The following GPHN variants were observed in gnomAD, a reference collection of about 807,000 sequenced individuals.
GPHN encodes the protein gephyrin.
In GPHN, 17 loss-of-function variants were observed where a neutral mutation model predicts 95.5. That is an observed-to-expected ratio of 0.18 (90% CI 0.12 to 0.27). The LOEUF (loss-of-function observed/expected upper bound fraction) is 0.27, where lower values mean the gene tolerates loss of function less well. Among genes scored for constraint, GPHN ranks in the 10% least tolerant of loss-of-function variants. The pLI is 1.00. For missense variants in GPHN, 660 were observed against 978.1 expected (o/e 0.67, Z 4.34); for synonymous variants, 320 against 322.5 (o/e 0.99, Z 0.08).
At chr14:67,429,674 T>A in the GPHN span, among the ~76,000 whole-genome samples, 6 of 152,002 alleles carry the variant, frequency 3.9e-5, no homozygotes, top group Non-Finnish European at 7.4e-5. Flanking sequence ...AGGCAAAGTT[T>A]GCAGTGAGTT....
At chr14:67,668,411 T>C in the GPHN span, among the ~76,000 whole-genome samples, 1 of 152,234 alleles carries the variant, frequency 6.6e-6, no homozygotes, top group African/African-American at 2.4e-5. Flanking sequence ...CAGGACACAT[T>C]GTCTCTAGTA....
intron 4 of GPHN, among the ~76,000 whole-genome samples, chr14:66,855,924 C>A (rs191706889): frequency 6.0e-4 from 92 of 152,194 alleles, no homozygotes; most frequent in Admixed American, 1.5e-3. Flanking sequence ...AACATTAGGA[C>A]ACTTACCATT....
chr14:67,632,285 A>G, the GPHN span, among the ~76,000 whole-genome samples: 1 of 152,234 alleles, frequency 6.6e-6, no homozygotes, highest in Non-Finnish European at 1.5e-5. Context: ...TTATGGAAGT[A>G]TTCAAACATA....
the GPHN span, among the ~76,000 whole-genome samples, chr14:67,370,465 C>T: frequency 2.1e-4 from 32 of 151,894 alleles, no homozygotes; most frequent in Non-Finnish European, 4.1e-4. Context: ...TTGATAAACC[C>T]CTAGTTAGGC....
chr14:66,950,018 A>T (rs1009063145), intron 8 of GPHN, among the ~76,000 whole-genome samples: 1 of 147,586 alleles, frequency 6.8e-6, no homozygotes, highest in Admixed American at 6.8e-5. Context: ...AAAAAAAAAA[A>T]GCATAGATAA....
At chr14:67,662,179 C>CAAAAA in the GPHN span, among the ~76,000 whole-genome samples, 1 of 141,684 alleles carries the variant, frequency 7.1e-6, no homozygotes, top group African/African-American at 2.6e-5. Context: ...ACAACAACAA[C>CAAAAA]AAAAAAAAAA....
At position 66,939,851 on chromosome 14, in the gene GPHN, G is replaced by T. The variant is rs1292925032; in HGVS notation, c.828+15559G>T. Among the ~76,000 whole-genome samples the T allele has an allele frequency of 3.3e-5, 5 of 152,274 alleles. No homozygotes were observed. In the East Asian group the frequency reaches 9.7e-4, roughly 29 times the overall value. On this transcript the variant is annotated intron_variant, in intron 8 of 22. Coordinates refer to ENST00000478722, the MANE Select transcript of GPHN (RefSeq NM_020806.5). ...CTATCTAAGGGTCCCCAACAAAAGG[G>T]ACCATCGGCCAAGCCTCCAGTTGCA...
chr14:67,306,707 AAT>A, the GPHN span, among the ~76,000 whole-genome samples: 2 of 152,108 alleles, frequency 1.3e-5, no homozygotes, highest in Non-Finnish European at 2.9e-5. Flanking sequence ...TCTCAATTGC[AAT>A]ATATCTTGCC....
At chr14:67,176,182 T>C (rs2082935360) in intron 21 of GPHN, among the ~76,000 whole-genome samples, 1 of 152,224 alleles carries the variant, frequency 6.6e-6, no homozygotes, top group Non-Finnish European at 1.5e-5. Flanking sequence ...CTTCCAGTTT[T>C]TGCCCACTCA....
rs767734322 is a variant in GPHN at position 66,961,900 on chromosome 14, GTATATATATATATATATATATATA to G, written c.829-3266_829-3243del. ...AACCAACCATTCTATCCCTGAATGT[GTATATATATATATATATATATATA>G]TATATATATATATATATATATATAC... On this transcript the variant is annotated intron_variant, in intron 8 of 22. Coordinates refer to ENST00000478722, the MANE Select transcript of GPHN (RefSeq NM_020806.5). 2.7e-3 allele frequency among the ~76,000 whole-genome samples: 145 copies of G among 53,006 alleles called. 5 individuals carry two copies. Among genetic ancestry groups the G allele is most frequent in the East Asian group, 0.023 (52 of 2,262 alleles). The allele number at this position is 53,006 out of a possible 152,430, so 34.8% of individuals were successfully genotyped here. A position where few individuals can be genotyped will look rare whatever the true frequency, so the allele number is the denominator to read the frequency against.
At chr14:66,901,555 G>T (rs890086789) in intron 5 of GPHN, among the ~76,000 whole-genome samples, 1 of 151,844 alleles carries the variant, frequency 6.6e-6, no homozygotes, top group African/African-American at 2.4e-5. Context: ...TTTGTGTATG[G>T]TAAAATATAG....
chr14:66,916,351 C>A (rs543874916), intron 6 of GPHN, among the ~76,000 whole-genome samples: 1 of 152,266 alleles, frequency 6.6e-6, no homozygotes, highest in African/African-American at 2.4e-5. Flanking sequence ...TACTACCAAA[C>A]ACAGAGAGCT....
At chr14:67,122,632 A>G (rs1481138311) in intron 17 of GPHN, among the ~76,000 whole-genome samples, 2 of 152,202 alleles carry the variant, frequency 1.3e-5, no homozygotes, top group Non-Finnish European at 2.9e-5. Flanking sequence ...TTTTTGTAAT[A>G]GTTTTGGTTT....
At chr14:66,909,104 C>T (rs1278959761) in intron 5 of GPHN, among the ~76,000 whole-genome samples, 3 of 152,022 alleles carry the variant, frequency 2.0e-5, no homozygotes, top group Non-Finnish European at 2.9e-5. Flanking sequence ...CATAATAATA[C>T]AAGATGTTAA....
chr14:67,574,553 C>T, the GPHN span: 6 of 583,314 alleles, frequency 1.0e-5, no homozygotes, highest in Admixed American at 7.2e-5. The surrounding 1 kb of genome is among the most constrained non-coding windows in gnomAD (Gnocchi z 4.2). Flanking sequence ...AGCCCTCAAA[C>T]GTGGTCTGGC....
At chr14:66,566,523 T>A (rs1244137795) in intron 1 of GPHN, among the ~76,000 whole-genome samples, 2 of 151,406 alleles carry the variant, frequency 1.3e-5, no homozygotes, top group African/African-American at 4.9e-5. Flanking sequence ...TTTTTTGTAG[T>A]CTGAGTTGTA....
the GPHN span, among the ~76,000 whole-genome samples, chr14:67,501,867 T>C: frequency 6.6e-6 from 1 of 152,258 alleles, no homozygotes; most frequent in Admixed American, 6.5e-5. Flanking sequence ...CACGTTTCTA[T>C]GGTGACATCT....
intron 4 of GPHN, among the ~76,000 whole-genome samples, chr14:66,868,078 C>T (rs1428033891): frequency 3.3e-5 from 5 of 152,152 alleles, no homozygotes; most frequent in African/African-American, 1.2e-4. Context: ...AAACACTGCT[C>T]TAACTACATC....
At chr14:66,955,231 G>A (rs973027218) in intron 8 of GPHN, among the ~76,000 whole-genome samples, 2 of 152,104 alleles carry the variant, frequency 1.3e-5, no homozygotes, top group Non-Finnish European at 2.9e-5. Flanking sequence ...GAGGCCATCT[G>A]GTCCTGGGCT....
Sources: allele counts gnomAD v4.1 joint callset (sites outside exome capture counted in the v4.1 genomes callset), GRCh38; gene constraint gnomAD v4.1.1; non-coding constraint Gnocchi (gnomAD v3.1); transcripts MANE v1.5; gene names NCBI Gene and HGNC (gene_info 2026-07-23, HGNC 2026-07-21).